The following CFAP299 variants were observed in gnomAD, a reference collection of about 807,000 sequenced individuals.
CFAP299 encodes cilia- and flagella-associated protein 299.
In CFAP299, 21 loss-of-function variants were observed where a neutral mutation model predicts 27.0. The observed-to-expected ratio is 0.78, with a 90% CI of 0.55 to 1.12. The LOEUF is 1.12. Ranked by LOEUF, CFAP299 falls within the 50% of genes most tolerant of loss-of-function variation. CFAP299 has a pLI of 0.00. For missense variants in CFAP299, 310 were observed against 276.6 expected, an observed-to-expected ratio of 1.12 and a Z score of -0.86; for synonymous variants, 104 against 98.1, an observed-to-expected ratio of 1.06 and a Z score of -0.36.
chr4:80,897,701 A>C (rs1734674758), intron 4 of CFAP299, among the ~76,000 whole-genome samples: 1 of 152,116 alleles, frequency 6.6e-6, no homozygotes, highest in South Asian at 2.1e-4. Context: ...AATATCAAGA[A>C]TCTTCTGCCA....
intron 2 of CFAP299, among the ~76,000 whole-genome samples, chr4:80,436,321 C>T (rs1232607136): frequency 1.8e-4 from 24 of 134,982 alleles, no homozygotes; most frequent in Non-Finnish European, 2.5e-4. Flanking sequence ...TTTTTTGAGA[C>T]GGAGTCTCAC....
chr4:80,899,742 T>C (rs7669043), intron 4 of CFAP299, among the ~76,000 whole-genome samples: 34,142 of 152,096 alleles, frequency 0.22, 7,767 homozygotes, highest in African/African-American at 0.58. Flanking sequence ...ATCAGTCAGC[T>C]TGGGTTCAAA....
chr4:80,682,705 T>C (rs1719919775), intron 3 of CFAP299, among the ~76,000 whole-genome samples: 3 of 152,182 alleles, frequency 2.0e-5, no homozygotes, highest in Admixed American at 6.5e-5. Flanking sequence ...TTACACCCTT[T>C]ATTATAAGAC....
intron 2 of CFAP299, among the ~76,000 whole-genome samples, chr4:80,557,233 A>T (rs1734823671): frequency 6.6e-6 from 1 of 152,084 alleles, no homozygotes; most frequent in African/African-American, 2.4e-5. Flanking sequence ...TTGCAATCTT[A>T]TGTACCCACC....
At chr4:80,891,884 T>C (rs1234901227) in intron 4 of CFAP299, among the ~76,000 whole-genome samples, 1 of 112,942 alleles carries the variant, frequency 8.9e-6, no homozygotes, top group Non-Finnish European at 2.0e-5. Flanking sequence ...TGGAAAAATA[T>C]TTTATGTTCA....
At chr4:80,887,412 G>T (rs1264879456) in intron 4 of CFAP299, among the ~76,000 whole-genome samples, 2 of 151,934 alleles carry the variant, frequency 1.3e-5, no homozygotes, top group South Asian at 2.1e-4. Flanking sequence ...TTAGGGGCCA[G>T]GATAGAGTGG....
At chr4:80,557,442 A>G (rs899304869) in intron 2 of CFAP299, among the ~76,000 whole-genome samples, 1 of 152,098 alleles carries the variant, frequency 6.6e-6, no homozygotes, top group Non-Finnish European at 1.5e-5. Context: ...ACTTAACAGT[A>G]CAAGCATTAG....
chr4:80,672,392 T>A (rs1741535722), intron 3 of CFAP299, among the ~76,000 whole-genome samples: 1 of 152,204 alleles, frequency 6.6e-6, no homozygotes, highest in Non-Finnish European at 1.5e-5. Context: ...GATGTGCTGC[T>A]GGATTCGGTT....
intron 3 of CFAP299, among the ~76,000 whole-genome samples, chr4:80,607,043 G>A (rs1737714582): frequency 6.6e-6 from 1 of 152,078 alleles, no homozygotes. Context: ...AGAAAGTCAG[G>A]TAGGCTAGTT....
At chr4:80,893,281 A>T (rs1040415870) in intron 4 of CFAP299, among the ~76,000 whole-genome samples, 3 of 151,834 alleles carry the variant, frequency 2.0e-5, no homozygotes, top group African/African-American at 7.2e-5. Flanking sequence ...GAAAAAAATA[A>T]CATTATTAAA....
chr4:80,737,079 C>T (rs1392178198), intron 3 of CFAP299, among the ~76,000 whole-genome samples: 13 of 150,664 alleles, frequency 8.6e-5, no homozygotes, highest in Admixed American at 2.7e-4. Context: ...AACCAAACAC[C>T]GCATATTCTC....
At chr4:80,868,905 C>CTCTCTCTCTCTG (rs1435285713) in intron 3 of CFAP299, among the ~76,000 whole-genome samples, 2 of 137,576 alleles carry the variant, frequency 1.5e-5, no homozygotes, top group Admixed American at 7.5e-5. Context: ...GCTTCTCTCT[C>CTCTCTCTCTCTG]TGTGTGTGTG....
intron 2 of CFAP299, among the ~76,000 whole-genome samples, chr4:80,364,418 T>A (rs1723715106): frequency 6.6e-6 from 1 of 152,124 alleles, no homozygotes; most frequent in South Asian, 2.1e-4. Context: ...CTTTTACCCT[T>A]CAGATTTCTC....
intron 2 of CFAP299, among the ~76,000 whole-genome samples, chr4:80,564,066 G>A (rs566223398): frequency 2.0e-5 from 3 of 152,002 alleles, no homozygotes; most frequent in African/African-American, 2.4e-5. Context: ...GAAAAGCCTG[G>A]GACCTGATGG....
chr4:80,799,740 TTTTATAA>T (rs1262095462), intron 3 of CFAP299, among the ~76,000 whole-genome samples: 4 of 53,208 alleles, frequency 7.5e-5, no homozygotes, highest in African/African-American at 2.3e-4. Context: ...ATATATATAT[TTTTATAA>T]ATATATAATA....
upstream of CFAP299, among the ~76,000 whole-genome samples, chr4:80,330,775 T>C (rs1311189947): frequency 6.6e-6 from 1 of 152,008 alleles, no homozygotes; most frequent in African/African-American, 2.4e-5. Flanking sequence ...GTTGTTTTTC[T>C]TGATAGTCCT....
chr4:80,747,517 C>G (rs1724690937), intron 3 of CFAP299, among the ~76,000 whole-genome samples: 1 of 152,026 alleles, frequency 6.6e-6, no homozygotes, highest in Non-Finnish European at 1.5e-5. Context: ...TTGACTTTCC[C>G]TTCCCTGAAG....
intron 2 of CFAP299, among the ~76,000 whole-genome samples, chr4:80,567,950 T>C (rs994704477): frequency 2.0e-5 from 3 of 151,754 alleles, no homozygotes; most frequent in African/African-American, 7.2e-5. Context: ...ATATGCATTA[T>C]TAAATCAGTG....
At chr4:80,684,539 A>G (rs1206457457) in intron 3 of CFAP299, among the ~76,000 whole-genome samples, 1 of 152,202 alleles carries the variant, frequency 6.6e-6, no homozygotes, top group Non-Finnish European at 1.5e-5. Flanking sequence ...TGCTGCTGGG[A>G]TTACAGGCGT....
Sources: gnomAD v4.1 joint callset for allele counts (sites outside exome capture counted in the v4.1 genomes callset) on GRCh38, gnomAD v4.1.1 for gene constraint, MANE v1.5 for transcripts, NCBI Gene and HGNC (gene_info 2026-07-23, HGNC 2026-07-21) for gene names.